The following NAALADL2 variants were observed in gnomAD, a reference collection of about 807,000 sequenced individuals.
The protein encoded by NAALADL2 is N-acetylated alpha-linked acidic dipeptidase like 2.
A neutral mutation model predicts 87.2 loss-of-function variants in NAALADL2; 76 were observed. The ratio of observed to expected loss-of-function variants is 0.87; its 90% confidence interval spans 0.72 to 1.05. The LOEUF is 1.05. Ranked by LOEUF, NAALADL2 falls within the 50% of genes least tolerant of loss-of-function variation. The pLI, the probability that NAALADL2 is intolerant of heterozygous loss-of-function variation, is 0.00. For missense variants in NAALADL2, 1,089 were observed against 945.8 expected (o/e 1.15, Z -1.99); for synonymous variants, 354 against 331.0 (o/e 1.07, Z -0.75).
chr3:175,455,430 A>G (rs984009457), intron 6 of NAALADL2, among the ~76,000 whole-genome samples: 9 of 152,120 alleles, frequency 5.9e-5, no homozygotes, highest in African/African-American at 2.2e-4. Context: ...TTTGGTAGAC[A>G]GATGAGAAAA....
chr3:174,680,861 T>C (rs1307872528), intron 2 of NAALADL2, among the ~76,000 whole-genome samples: 1 of 152,172 alleles, frequency 6.6e-6, no homozygotes, highest in Non-Finnish European at 1.5e-5. Context: ...AATACCTTCA[T>C]AAGAACTAAA....
intron 12 of NAALADL2, among the ~76,000 whole-genome samples, chr3:175,741,629 T>C (rs1745249907): frequency 2.0e-5 from 3 of 152,084 alleles, no homozygotes; most frequent in Admixed American, 6.5e-5. Flanking sequence ...CATGAAAATA[T>C]AACTTTTTTG....
chr3:175,345,776 T>C (rs1325237125), intron 5 of NAALADL2, among the ~76,000 whole-genome samples: 3 of 152,072 alleles, frequency 2.0e-5, no homozygotes, highest in Non-Finnish European at 4.4e-5. Flanking sequence ...TGATTGTCAA[T>C]AGGATGTTTA....
chr3:175,062,089 A>G (rs1053536385), intron 1 of NAALADL2, among the ~76,000 whole-genome samples: 10 of 140,076 alleles, frequency 7.1e-5, no homozygotes, highest in African/African-American at 3.2e-4. Context: ...TACTGTCAGA[A>G]CAGTGGAAAG....
intron 11 of NAALADL2, among the ~76,000 whole-genome samples, chr3:175,636,292 C>A (rs1339283820): frequency 1.3e-5 from 2 of 152,104 alleles, no homozygotes; most frequent in African/African-American, 4.8e-5. Flanking sequence ...CATAGACTGA[C>A]ACTACCAATT....
intron 2 of NAALADL2, among the ~76,000 whole-genome samples, chr3:174,728,838 GGACA>G (rs1215647897): frequency 5.3e-5 from 8 of 152,014 alleles, no homozygotes; most frequent in Non-Finnish European, 1.0e-4. Flanking sequence ...TTACATTTAT[GGACA>G]GACAGCTGAT....
chr3:174,537,103 A>G (rs1721790736), intron 1 of NAALADL2, among the ~76,000 whole-genome samples: 1 of 152,198 alleles, frequency 6.6e-6, no homozygotes, highest in Admixed American at 6.5e-5. Context: ...CACCAACACT[A>G]CTGCCATCAT....
At chr3:174,523,388 C>T (rs1720448427) in intron 1 of NAALADL2, 1 of 152,120 alleles carries the variant, frequency 6.6e-6, no homozygotes. Flanking sequence ...GTTTTATATT[C>T]ATAACTCTTT....
At chr3:175,315,083 T>C (rs75459195) in intron 4 of NAALADL2, among the ~76,000 whole-genome samples, 2,027 of 152,206 alleles carry the variant, frequency 0.013, 48 homozygotes, top group African/African-American at 0.046. Flanking sequence ...CTTCCAATGA[T>C]GCATTCTTTG....
At chr3:174,624,735 G>T (rs1253162973) in intron 2 of NAALADL2, among the ~76,000 whole-genome samples, 1 of 152,018 alleles carries the variant, frequency 6.6e-6, no homozygotes, top group Non-Finnish European at 1.5e-5. Flanking sequence ...GCTCTAAAAG[G>T]TAGGATTACC....
intron 5 of NAALADL2, among the ~76,000 whole-genome samples, chr3:175,399,192 G>T (rs1770232768): frequency 1.3e-5 from 2 of 152,032 alleles, no homozygotes; most frequent in African/African-American, 4.8e-5. Context: ...ACTATATTTT[G>T]CAAGAATTAA....
At chr3:174,462,030 A>G (rs1716247553) in intron 1 of NAALADL2, among the ~76,000 whole-genome samples, 1 of 152,020 alleles carries the variant, frequency 6.6e-6, no homozygotes, top group African/African-American at 2.4e-5. Flanking sequence ...GTCTTATAAT[A>G]AGATGATTTA....
intron 9 of NAALADL2, among the ~76,000 whole-genome samples, chr3:175,488,097 G>T (rs539111275): frequency 6.6e-6 from 1 of 152,298 alleles, no homozygotes; most frequent in South Asian, 2.1e-4. Flanking sequence ...ATATTCTCTT[G>T]TCAGAAAAAA....
intron 4 of NAALADL2, among the ~76,000 whole-genome samples, chr3:175,273,826 C>A (rs1329109178): frequency 1.3e-5 from 2 of 151,398 alleles, no homozygotes; most frequent in African/African-American, 4.9e-5. Context: ...TTATTTTCTC[C>A]TTTTTGCATT....
At chr3:175,331,500 G>A (rs1213874424) in intron 5 of NAALADL2, among the ~76,000 whole-genome samples, 6 of 152,098 alleles carry the variant, frequency 3.9e-5, no homozygotes, top group East Asian at 1.9e-4. Flanking sequence ...CTGATAAAAC[G>A]AAAGACAAAA....
intron 8 of NAALADL2, among the ~76,000 whole-genome samples, chr3:175,470,464 A>G (rs1464004495): frequency 1.3e-5 from 2 of 152,190 alleles, no homozygotes; most frequent in African/African-American, 4.8e-5. Context: ...TGTACTCCAT[A>G]AAATTATATC....
At chr3:174,683,623 A>G (rs1192112080) in intron 2 of NAALADL2, among the ~76,000 whole-genome samples, 1 of 114,698 alleles carries the variant, frequency 8.7e-6, no homozygotes. Context: ...AATTAACAGA[A>G]CTTCTGGTGT....
intron 1 of NAALADL2, among the ~76,000 whole-genome samples, chr3:174,937,947 A>T (rs972860846): frequency 6.6e-6 from 1 of 152,080 alleles, no homozygotes; most frequent in Admixed American, 6.6e-5. Flanking sequence ...ATTTAATTGC[A>T]AAGTTCACTA....
intron 10 of NAALADL2, among the ~76,000 whole-genome samples, chr3:175,618,109 A>C (rs67527538): frequency 0.18 from 27,567 of 152,052 alleles, 2,669 homozygotes; most frequent in African/African-American, 0.25. Context: ...GTTTGATTCA[A>C]AAGTAACATA....
Sources: allele counts gnomAD v4.1 joint callset (sites outside exome capture counted in the v4.1 genomes callset), GRCh38; gene constraint gnomAD v4.1.1; transcripts MANE v1.5; gene names NCBI Gene and HGNC (gene_info 2026-07-23, HGNC 2026-07-21).